SETD9: variants seen among roughly 807,000 people sequenced by gnomAD.
The protein encoded by SETD9 is SET domain containing 9.
A neutral mutation model predicts 36.4 loss-of-function variants in SETD9; 37 were observed. That is an observed-to-expected ratio of 1.02 (90% CI 0.78 to 1.34). The LOEUF (loss-of-function observed/expected upper bound fraction) is 1.34, where lower values mean the gene tolerates loss of function less well. Ranked by LOEUF, SETD9 falls within the 40% of genes most tolerant of loss-of-function variation. The pLI, the probability that SETD9 is intolerant of heterozygous loss-of-function variation, is 0.00. For missense variants in SETD9, 323 were observed against 353.2 expected, an observed-to-expected ratio of 0.91 and a Z score of 0.69; for synonymous variants, 128 against 132.9, an observed-to-expected ratio of 0.96 and a Z score of 0.26.
At chr5:56,912,010 C>A in intron 2 of SETD9, 1 of 172,270 alleles carries the variant, frequency 5.8e-6, no homozygotes, top group Non-Finnish European at 1.2e-5. Flanking sequence ...AAGAAATTAG[C>A]CAGGTGTGGT....
At chr5:56,915,394 G>T (rs1749374323) in intron 5 of SETD9, among the ~76,000 whole-genome samples, 1 of 152,082 alleles carries the variant, frequency 6.6e-6, no homozygotes, top group Non-Finnish European at 1.5e-5. Flanking sequence ...TCTTAATAAT[G>T]AAACTAAATA....
chr5:56,928,814 C>T (rs1750128187), downstream of SETD9: 1 of 1,613,622 alleles, frequency 6.2e-7, no homozygotes, highest in Admixed American at 1.7e-5. Flanking sequence ...AGCATGAGTG[C>T]ATGTTCAAAG....
At chr5:56,911,621 C>A in intron 2 of SETD9, 85 bp downstream of exon 2, 3 of 1,361,656 alleles carry the variant, frequency 2.2e-6, no homozygotes, top group Non-Finnish European at 2.9e-6. Flanking sequence ...GCCTTGCAAT[C>A]CTTAGAGTAA....
At chr5:56,922,366 G>A (rs1259407997) in intron 5 of SETD9, 1 of 152,462 alleles carries the variant, frequency 6.6e-6, no homozygotes, top group African/African-American at 2.4e-5. Flanking sequence ...AATAAATGAA[G>A]TTACACAGAA....
At position 56,916,954 on chromosome 5, in the gene SETD9, GTTTT is replaced by G. The variant is rs758154357; in HGVS notation, c.*55_*58del. 6.5e-7 allele frequency: 1 copy of G among 1,533,646 alleles called. No individual in the cohort carries two copies. The highest frequency in any genetic ancestry group is 1.3e-5 in the South Asian group (1 of 74,308). ...TTCTACTCAGCTATTAATTCTAAGTGTTTTTTGTTAATCACTTCTCTGAGTTCTA... is the reference window on the plus strand; with the variant it reads ...TTCTACTCAGCTATTAATTCTAAGTGTTGTTAATCACTTCTCTGAGTTCTA... On this transcript the variant is annotated 3_prime_UTR_variant, in exon 6 of 6. Transcript: ENST00000285947.
At chr5:56,913,354 C>T (rs935501198) in intron 3 of SETD9, among the ~76,000 whole-genome samples, 2 of 151,526 alleles carry the variant, frequency 1.3e-5, no homozygotes, top group Non-Finnish European at 2.9e-5. Context: ...ACACCCAGCT[C>T]AGCATTTATG....
chr5:56,910,644 A>T (rs536600257), intron 1 of SETD9: 5 of 268,166 alleles, frequency 1.9e-5, no homozygotes, highest in South Asian at 1.7e-4. Context: ...GATTATGGAA[A>T]TAAGAGGTGC....
chr5:56,914,804 G>A, intron 4 of SETD9, 57 bp from the exon 5 acceptor site: 1 of 1,270,786 alleles, frequency 7.9e-7, no homozygotes, highest in Non-Finnish European at 1.1e-6. Context: ...ATTCAATTCT[G>A]TTTTCCATGA....
At chr5:56,910,473 C>T in intron 1 of SETD9, 1 of 1,165,614 alleles carries the variant, frequency 8.6e-7, no homozygotes, top group Non-Finnish European at 1.1e-6. Flanking sequence ...GACCGGGCCT[C>T]CCTGAAGTCA....
intron 1 of SETD9, 200 bp from the exon 2 acceptor site, chr5:56,910,969 C>T (rs767073156): frequency 1.1e-5 from 5 of 452,514 alleles, no homozygotes; most frequent in Admixed American, 4.0e-5. Flanking sequence ...TTCATAAGTA[C>T]TGACTACTTG....
rs1192141873 is a variant in SETD9 at position 56,915,029 on chromosome 5, G to T, written c.812+63G>T. On this transcript the variant is annotated intron_variant, in intron 5 of 5. Transcript: ENST00000285947. ...ATGCTGTACTTAAAAAAATATAGAA[G>T]AAAAAGCTATGTAGAATTTGGGGTA... 23 of 1,199,028 alleles carry T rather than the reference G, an allele frequency of 1.9e-5. No homozygotes were observed. In the Admixed American group the frequency reaches 3.7e-4, roughly 19 times the overall value. The allele number at this position is 1,199,028 out of a possible 1,614,324, so 74.3% of individuals were successfully genotyped here. A position where few individuals can be genotyped will look rare whatever the true frequency, so the allele number is the denominator to read the frequency against.
chr5:56,912,526 A>G (rs2112016984), intron 2 of SETD9, among the ~76,000 whole-genome samples: 1 of 152,364 alleles, frequency 6.6e-6, no homozygotes, highest in Middle Eastern at 3.4e-3. Context: ...AGTTTAATAA[A>G]TAGATTAACA....
downstream of SETD9, among the ~76,000 whole-genome samples, chr5:56,926,297 T>C (rs1414206522): frequency 6.6e-6 from 1 of 151,870 alleles, no homozygotes; most frequent in African/African-American, 2.4e-5. Flanking sequence ...GGCAAGGGAA[T>C]AAAAAGACAA....
Position 56,909,616 on chromosome 5 carries a change from C to A in SETD9, c.-30C>A, listed in dbSNP as rs979805412. The A allele has an allele frequency of 1.9e-6, 3 of 1,572,408 alleles. No individual in the cohort carries two copies. In the South Asian group the frequency reaches 3.4e-5, roughly 18 times the overall value. On this transcript the variant is annotated 5_prime_UTR_variant, in exon 1 of 6. Coordinates refer to ENST00000285947, the MANE Select transcript of SETD9 (RefSeq NM_153706.4). ...GAGGCCTCGATCCGCCTTCCCCGCG[C>A]CGTCCTGGTCACGGCCCCGCGGGGC...
downstream of SETD9, chr5:56,928,102 T>C (rs2112088513): frequency 6.6e-6 from 1 of 152,340 alleles, no homozygotes; most frequent in Non-Finnish European, 1.5e-5. Flanking sequence ...ACACTTTGTT[T>C]ATCCTTTCAC....
chr5:56,924,029 G>A (rs1377380962), intron 5 of SETD9: 1 of 1,605,494 alleles, frequency 6.2e-7, no homozygotes, highest in South Asian at 1.1e-5. Flanking sequence ...CTCAGCAACT[G>A]TCCTAGTTCT....
chr5:56,923,188 C>G, intron 5 of SETD9: 1 of 1,614,012 alleles, frequency 6.2e-7, no homozygotes, highest in East Asian at 2.2e-5. Flanking sequence ...AACCATTGGT[C>G]TCGTTGGCAG....
intron 5 of SETD9, chr5:56,924,141 T>C: frequency 8.6e-7 from 1 of 1,169,136 alleles, no homozygotes. Flanking sequence ...CCATGGGTCT[T>C]ATTTTCCCAT....
Position 56,913,086 on chromosome 5 carries a change from G to T in SETD9, c.542G>T (p.Gly181Val). ...GNPFIFRCLD[G>V]VLIDGNDKGI... is the part of the protein sequence containing the mutation. ...CCGTTTATTTTTAGATGCCTGGATG[G>T]GGTACTCATTGATGGGAATGACAAA... is the stretch of plus-strand genomic sequence containing the variant. The change falls in exon 3 of 6, where the codon GGG becomes GTG. Residue 181 changes from glycine (G) to valine (V), a missense_variant. Coordinates refer to ENST00000285947, the MANE Select transcript of SETD9 (RefSeq NM_153706.4). The T allele has an allele frequency of 6.2e-7, 1 of 1,613,988 alleles. No individual in the cohort carries two copies. Among genetic ancestry groups the T allele is most frequent in the Non-Finnish European group, 8.5e-7 (1 of 1,179,946 alleles).
Sources: gnomAD v4.1 joint callset for allele counts (sites outside exome capture counted in the v4.1 genomes callset) on GRCh38, gnomAD v4.1.1 for gene constraint, MANE v1.5 for transcripts, NCBI Gene and HGNC (gene_info 2026-07-23, HGNC 2026-07-21) for gene names.